KIF3C: variants seen among roughly 807,000 people sequenced by gnomAD.
KIF3C encodes the protein kinesin family member 3C.
In KIF3C, 12 loss-of-function variants were observed where a neutral mutation model predicts 67.7. That is an observed-to-expected ratio of 0.18 (90% CI 0.11 to 0.29). The LOEUF (loss-of-function observed/expected upper bound fraction) is 0.29. Ranked by LOEUF, KIF3C falls within the 10% of genes least tolerant of loss-of-function variation. KIF3C has a pLI of 1.00. For synonymous variants in KIF3C, 393 were observed against 426.2 expected (o/e 0.92, Z 0.96); for missense variants, 789 against 1,059.6 (o/e 0.74, Z 3.55).
At chr2:25,969,891 T>C (rs1417722366) in intron 1 of KIF3C, among the ~76,000 whole-genome samples, 6 of 152,210 alleles carry the variant, frequency 3.9e-5, no homozygotes, top group African/African-American at 1.2e-4. Flanking sequence ...AATTTTTGTA[T>C]TTTTGGTAGA....
At chr2:25,975,497 C>T (rs1253231786) in intron 1 of KIF3C, among the ~76,000 whole-genome samples, 1 of 152,156 alleles carries the variant, frequency 6.6e-6, no homozygotes, top group East Asian at 1.9e-4. Flanking sequence ...TTTTTCAGCA[C>T]CTCCTCAGGA....
chr2:25,945,363 C>T (rs2149228030), intron 5 of KIF3C, among the ~76,000 whole-genome samples: 1 of 149,770 alleles, frequency 6.7e-6, no homozygotes, highest in East Asian at 1.9e-4. Flanking sequence ...TTCACAGCTG[C>T]AGCCTGGGTT....
At chr2:25,979,907 A>T (rs1410904364) in intron 1 of KIF3C, among the ~76,000 whole-genome samples, 1 of 152,192 alleles carries the variant, frequency 6.6e-6, no homozygotes, top group Non-Finnish European at 1.5e-5. Flanking sequence ...TCATGTATGG[A>T]TCATATATAT....
intron 5 of KIF3C, among the ~76,000 whole-genome samples, chr2:25,931,720 C>G (rs974460750): frequency 7.3e-5 from 11 of 151,160 alleles, no homozygotes; most frequent in African/African-American, 2.7e-4. Context: ...TCACTGCAAC[C>G]TCCGCCTCCT....
chr2:25,930,107 A>C (rs2090446743), intron 5 of KIF3C, 44 bp from the exon 6 acceptor site: 1 of 1,491,988 alleles, frequency 6.7e-7, no homozygotes, highest in Non-Finnish European at 9.4e-7. Flanking sequence ...TGTGGAACAC[A>C]AACAGCAAAT....
At chr2:25,956,814 A>G (rs1176698238) in intron 1 of KIF3C, among the ~76,000 whole-genome samples, 1 of 152,194 alleles carries the variant, frequency 6.6e-6, no homozygotes, top group African/African-American at 2.4e-5. Context: ...TGGGAAAGAT[A>G]AGATACAGTC....
intron 1 of KIF3C, among the ~76,000 whole-genome samples, chr2:25,967,549 G>A (rs778101822): frequency 9.9e-5 from 15 of 152,236 alleles, no homozygotes; most frequent in South Asian, 2.1e-4. Context: ...GCTCACGCCT[G>A]TAATCCCAGC....
Position 25,928,727 on chromosome 2 carries a change from A to ACGGT in KIF3C, c.*247_*250dup, listed in dbSNP as rs1017863913. ...AAGAAAAAGAGGCTACGCAGTGACC[A>ACGGT]CGGTAGGCCCAGACGGCTCAGGCGA... On this transcript the variant is annotated 3_prime_UTR_variant, in exon 8 of 8. Transcript: ENST00000264712. The ACGGT allele has an allele frequency of 1.0e-5, 4 of 401,646 alleles. No individual in the cohort carries two copies. The highest frequency in any genetic ancestry group is 8.2e-5 in the African/African-American group (4 of 48,920). The allele number at this position is 401,646 out of a possible 1,614,324, so 24.9% of individuals were successfully genotyped here. A position where few individuals can be genotyped will look rare whatever the true frequency, so the allele number is the denominator to read the frequency against.
intron 1 of KIF3C, among the ~76,000 whole-genome samples, chr2:25,968,820 CT>C (rs71399338): frequency 0.021 from 3,034 of 144,420 alleles, 24 homozygotes; most frequent in Middle Eastern, 0.05. Flanking sequence ...AAGGAATCAT[CT>C]TTTTTTTTTT....
intron 1 of KIF3C, among the ~76,000 whole-genome samples, chr2:25,964,194 G>A (rs1012108611): frequency 1.3e-5 from 2 of 152,052 alleles, no homozygotes; most frequent in Non-Finnish European, 2.9e-5. Context: ...TGGAATCCCA[G>A]CTACTCAGGA....
At chr2:25,944,051 CT>C (rs548510559) in intron 5 of KIF3C, among the ~76,000 whole-genome samples, 67 of 148,902 alleles carry the variant, frequency 4.5e-4, no homozygotes, top group Admixed American at 2.9e-3. Flanking sequence ...TTCTTTCTTT[CT>C]TTTTTTTTTC....
chr2:25,952,982 C>T (rs1016919090), intron 4 of KIF3C, among the ~76,000 whole-genome samples: 8 of 152,106 alleles, frequency 5.3e-5, no homozygotes, highest in African/African-American at 1.9e-4. Context: ...CAAAACATCT[C>T]ATGTGGCCAG....
chr2:25,938,125 G>T (rs1663186860), intron 5 of KIF3C: 5 of 316,138 alleles, frequency 1.6e-5, no homozygotes, highest in South Asian at 1.2e-4. Flanking sequence ...CACTTTAGGA[G>T]GACAAGACAG....
At chr2:25,956,484 G>T in intron 1 of KIF3C, 40 bp from the exon 2 acceptor site, 1 of 1,477,750 alleles carries the variant, frequency 6.8e-7, no homozygotes, top group East Asian at 2.3e-5. Context: ...CTTTGCAAAG[G>T]GTCCACAACA....
At chr2:25,936,238 G>A (rs1368189369) in intron 5 of KIF3C, among the ~76,000 whole-genome samples, 2 of 152,074 alleles carry the variant, frequency 1.3e-5, no homozygotes, top group African/African-American at 2.4e-5. Flanking sequence ...ATGGGGTCTC[G>A]CTATGTTGTC....
chr2:25,936,161 A>G (rs1663120200), intron 5 of KIF3C, among the ~76,000 whole-genome samples: 1 of 152,158 alleles, frequency 6.6e-6, no homozygotes, highest in Admixed American at 6.6e-5. Flanking sequence ...AGACTGCCAC[A>G]ATATATTAAT....
chr2:25,973,231 T>C (rs545543615), intron 1 of KIF3C, among the ~76,000 whole-genome samples: 5 of 152,210 alleles, frequency 3.3e-5, no homozygotes, highest in African/African-American at 1.2e-4. Flanking sequence ...CCCATGACTT[T>C]ACTGGGGCAT....
intron 1 of KIF3C, among the ~76,000 whole-genome samples, chr2:25,967,303 C>CTGGGAAAATATTTG (rs1664167714): frequency 6.6e-6 from 1 of 152,030 alleles, no homozygotes; most frequent in Non-Finnish European, 1.5e-5. Context: ...GCTAAAAACT[C>CTGGGAAAATATTTG]TGGGAAAATA....
chr2:25,944,475 C>T (rs1663375734), intron 5 of KIF3C, among the ~76,000 whole-genome samples: 1 of 151,960 alleles, frequency 6.6e-6, no homozygotes, highest in South Asian at 2.1e-4. Flanking sequence ...CTCAGCCTCC[C>T]AAGTAGCTGG....
Sources: allele counts gnomAD v4.1 joint callset (sites outside exome capture counted in the v4.1 genomes callset), GRCh38; gene constraint gnomAD v4.1.1; transcripts MANE v1.5; gene names NCBI Gene and HGNC (gene_info 2026-07-23, HGNC 2026-07-21).